Variants in SPINK2 observed in about 807,000 individuals in gnomAD.
SPINK2 encodes serine peptidase inhibitor Kazal type 2.
In SPINK2, 8 loss-of-function variants were observed where a neutral mutation model predicts 13.5. The ratio of observed to expected loss-of-function variants is 0.59; its 90% CI spans 0.35 to 1.07. The LOEUF (loss-of-function observed/expected upper bound fraction) is 1.07. Among genes scored for constraint, SPINK2 ranks in the 50% least tolerant of loss-of-function variants. The pLI, the probability that SPINK2 is intolerant of heterozygous loss-of-function variation, is 0.02. For missense variants in SPINK2, 148 were observed against 180.3 expected, an observed-to-expected ratio of 0.82 and a Z score of 1.03; for synonymous variants, 76 against 74.7, an observed-to-expected ratio of 1.02 and a Z score of -0.09.
chr4:56,821,272 T>G, intron 1 of SPINK2, 186 bp downstream of exon 1: 2 of 982,246 alleles, frequency 2.0e-6, no homozygotes, highest in Non-Finnish European at 2.4e-6. Flanking sequence ...CCTGCACATC[T>G]CCTCCCTTGG....
intron 2 of SPINK2, 40 bp from the exon 3 acceptor site, chr4:56,811,834 A>G (rs779827838): frequency 5.1e-5 from 64 of 1,243,644 alleles, no homozygotes; most frequent in Non-Finnish European, 1.8e-5. Flanking sequence ...ATGACTTGAG[A>G]CACACTCATA....
At chr4:56,813,963 G>A (rs1344845198) in intron 2 of SPINK2, among the ~76,000 whole-genome samples, 2 of 117,962 alleles carry the variant, frequency 1.7e-5, no homozygotes, top group Admixed American at 1.1e-4. Context: ...TCACTCTGTC[G>A]CCCAGGCTGG....
Position 56,821,443 on chromosome 4 carries a change from T to G in SPINK2, c.205+15A>C. 6.6e-7 allele frequency: 1 copy of G among 1,504,208 alleles called. No homozygotes were observed. Among genetic ancestry groups the G allele is most frequent in the Non-Finnish European group, 8.8e-7 (1 of 1,131,986 alleles). 93.2% of individuals were successfully genotyped at this position (1,504,208 alleles called of 1,614,324 possible). ...ACAAAGCCACCCCCACAACCCCCAG[T>G]TCGCGTTCCTCCACCTGGCAGGTCC... On this transcript the variant is annotated intron_variant, in intron 1 of 3. Coordinates refer to ENST00000506738, the MANE Select transcript of SPINK2 (RefSeq NM_001271718.2).
chr4:56,811,938 T>A (rs1024183681), intron 2 of SPINK2, 144 bp from the exon 3 acceptor site: 39 of 137,432 alleles, frequency 2.8e-4, no homozygotes, highest in Non-Finnish European at 4.6e-4. Flanking sequence ...AAATTTTTTC[T>A]TTTTTTTTTT....
At chr4:56,818,337 G>C (rs761330059) in intron 2 of SPINK2, 1 of 152,184 alleles carries the variant, frequency 6.6e-6, no homozygotes, top group Non-Finnish European at 1.5e-5. Context: ...TCTTGTGTGA[G>C]TCATCCTTTT....
chr4:56,810,277 T>C (rs1716872212), intron 3 of SPINK2, 93 bp from the exon 4 acceptor site: 8 of 1,002,360 alleles, frequency 8.0e-6, no homozygotes, highest in Non-Finnish European at 1.2e-5. Flanking sequence ...TAGATAGATA[T>C]ATATTAGATT....
Position 56,821,213 on chromosome 4 carries a change from T to C in SPINK2, c.205+245A>G, listed in dbSNP as rs143133790. ...ACTCCATTTTAAGAGAGGTGTCCAG[T>C]GTGGTTGGACTAAAGCCCCTTTCTC... On this transcript the variant is annotated intron_variant, in intron 1 of 3. Transcript: ENST00000506738. 759 of 678,864 alleles carry C rather than the reference T, an allele frequency of 1.1e-3. 4 individuals are homozygous for C. The African/African-American group carries it at 0.014, about 12-fold the overall frequency. 42.1% of individuals were successfully genotyped at this position (678,864 alleles called of 1,614,324 possible).
At position 56,820,587 on chromosome 4, in the gene SPINK2, A is replaced by G. The variant is rs771038147; in HGVS notation, c.206-8T>C. 3.1e-6 allele frequency: 5 copies of G among 1,606,588 alleles called. No homozygotes were observed. In the East Asian group the frequency reaches 1.1e-4, roughly 36 times the overall value. The stretch of plus-strand genomic sequence containing the variant: ...ATTGAGGGATCAGAGAGGCTGTAAG[A>G]AGAAAGCATAGACATTTTACAGTAT... On this transcript the variant is annotated splice_polypyrimidine_tract_variant and splice_region_variant and intron_variant, in intron 1 of 3. Transcript: ENST00000506738.
intron 2 of SPINK2, among the ~76,000 whole-genome samples, chr4:56,814,420 T>A (rs1273943903): frequency 2.0e-5 from 3 of 151,984 alleles, no homozygotes. Context: ...CATTTACAGA[T>A]GTTACGGGAG....
Position 56,810,266 on chromosome 4 carries a change from G to A in SPINK2, c.360-82C>T, listed in dbSNP as rs1482314413. ...CATTATTTGTGTTAAAAAGACCCAT[G>A]TAGATAGATATATATTAGATTCCTT... On this transcript the variant is annotated intron_variant, in intron 3 of 3. Coordinates refer to ENST00000506738, the MANE Select transcript of SPINK2 (RefSeq NM_001271718.2). The A allele has an allele frequency of 6.2e-6, 7 of 1,131,230 alleles. No individual in the cohort carries two copies. The Admixed American group carries it at 1.2e-4, about 19-fold the overall frequency. The allele number at this position is 1,131,230 out of a possible 1,614,324, so 70.1% of individuals were successfully genotyped here. A position where few individuals can be genotyped will look rare whatever the true frequency, so the allele number is the denominator to read the frequency against.
chr4:56,813,271 C>T (rs557501618), intron 2 of SPINK2, among the ~76,000 whole-genome samples: 6 of 152,154 alleles, frequency 3.9e-5, no homozygotes, highest in East Asian at 1.9e-4. Context: ...TGCAGTGAGC[C>T]GAGATTGCAC....
intron 2 of SPINK2, among the ~76,000 whole-genome samples, chr4:56,815,798 A>ACAC (rs71194127): frequency 2.7e-5 from 4 of 149,344 alleles, no homozygotes; most frequent in South Asian, 2.1e-4. Context: ...ACACACACAC[A>ACAC]AAACTATTAT....
chr4:56,811,388 G>A lies in SPINK2; in HGVS notation c.359+297C>T, dbSNP rs375828393. 2.5e-3 allele frequency among the ~76,000 whole-genome samples: 381 copies of A among 152,266 alleles called. 1 individual carries two copies. The highest frequency in any genetic ancestry group is 8.8e-3 in the African/African-American group (367 of 41,550). On this transcript the variant is annotated intron_variant, in intron 3 of 3. Transcript: ENST00000506738. ...AATCCCAGCACTTTGGGAGGCCAAG[G>A]CGGGTGGATCACTTGAGGTCAGGAG...
intron 2 of SPINK2, among the ~76,000 whole-genome samples, chr4:56,817,206 A>G (rs976584008): frequency 5.9e-5 from 9 of 152,208 alleles, no homozygotes; most frequent in African/African-American, 2.2e-4. Context: ...CATCTCAAAA[A>G]ACAAAAACAA....
At chr4:56,812,627 T>C (rs1168296921) in intron 2 of SPINK2, among the ~76,000 whole-genome samples, 3 of 142,120 alleles carry the variant, frequency 2.1e-5, no homozygotes, top group African/African-American at 8.0e-5. Flanking sequence ...GATTTTTAAA[T>C]GCAAGTCTAA....
In SPINK2 at chr4:56,821,672, G is replaced by C. The variant is rs1169674805; in HGVS notation, c.-10C>G. 4 of 1,524,436 alleles carry C rather than the reference G, an allele frequency of 2.6e-6. No individual in the cohort carries two copies. In the African/African-American group the frequency reaches 4.2e-5, roughly 16 times the overall value. 94.4% of individuals were successfully genotyped at this position (1,524,436 alleles called of 1,614,324 possible). A position where few individuals can be genotyped will look rare whatever the true frequency, so the allele number is the denominator to read the frequency against. On this transcript the variant is annotated 5_prime_UTR_variant, in exon 1 of 4. Coordinates refer to ENST00000506738, the MANE Select transcript of SPINK2 (RefSeq NM_001271718.2). ...GCACCGACAGCGCCATCCTCCTCCC[G>C]CGCCGGCTGTCTTGCCCCTGCGGTC...
intron 3 of SPINK2, among the ~76,000 whole-genome samples, chr4:56,810,891 A>G (rs887336960): frequency 3.3e-5 from 5 of 152,118 alleles, no homozygotes; most frequent in African/African-American, 9.7e-5. Context: ...ACAAAGCTGC[A>G]TACCTGAAGG....
At chr4:56,811,494 G>A (rs1359904055) in intron 3 of SPINK2, among the ~76,000 whole-genome samples, 191 bp downstream of exon 3, 1 of 151,990 alleles carries the variant, frequency 6.6e-6, no homozygotes. Flanking sequence ...GCAGGTGCCT[G>A]TAATCCCAGC....
intron 2 of SPINK2, among the ~76,000 whole-genome samples, chr4:56,819,563 A>C (rs2109449287): frequency 6.6e-6 from 1 of 152,240 alleles, no homozygotes; most frequent in Non-Finnish European, 1.5e-5. Context: ...TCCAGGAAGC[A>C]AAACAATAAC....
Sources: allele counts gnomAD v4.1 joint callset (sites outside exome capture counted in the v4.1 genomes callset), GRCh38; gene constraint gnomAD v4.1.1; transcripts MANE v1.5; gene names NCBI Gene and HGNC (gene_info 2026-07-23, HGNC 2026-07-21).